Variants in CELF2 observed in about 807,000 individuals in gnomAD.
CELF2 encodes the protein CUGBP Elav-like family member 2.
In CELF2, 8 loss-of-function variants were observed where a neutral mutation model predicts 62.6. The ratio of observed to expected loss-of-function variants is 0.13; its 90% CI spans 0.07 to 0.23. The LOEUF (loss-of-function observed/expected upper bound fraction) is 0.23, where lower values mean the gene tolerates loss of function less well. CELF2 is among the 10% of genes least tolerant of loss of function. CELF2 has a pLI of 1.00. For missense variants in CELF2, 333 were observed against 671.0 expected (o/e 0.50, Z 5.56); for synonymous variants, 258 against 250.0 (o/e 1.03, Z -0.30).
rs1466675807 is a variant in CELF2 at position 11,319,432 on chromosome 10, G to A, written c.1097-1757G>A. Among the ~76,000 whole-genome samples the A allele has an allele frequency of 6.6e-6, 1 of 152,202 alleles. No individual in the cohort carries two copies. Among genetic ancestry groups the A allele is most frequent in the Non-Finnish European group, 1.5e-5 (1 of 68,042 alleles). On this transcript the variant is annotated intron_variant, in intron 10 of 12. Transcript: ENST00000633077. This position sits in a 1 kb window ranked among gnomAD's most constrained non-coding sequence, Gnocchi z 4.4. ...GACAGAGGGGAAGCACAGCGGCAGG[G>A]AGGTGGCCGCGATTTGCTGGTGTCC... is the stretch of plus-strand genomic sequence containing the variant.
At chr10:10,674,183 C>G in the CELF2 span, among the ~76,000 whole-genome samples, 1 of 152,114 alleles carries the variant, frequency 6.6e-6, no homozygotes, top group Non-Finnish European at 1.5e-5. Flanking sequence ...ATTGGTTTTG[C>G]CTGGTATATT....
intron 1 of CELF2, among the ~76,000 whole-genome samples, chr10:10,806,490 C>T (rs1249004905): frequency 6.6e-6 from 1 of 152,160 alleles, no homozygotes; most frequent in Non-Finnish European, 1.5e-5. Flanking sequence ...AGGCATGAGC[C>T]ACTGCACCCA....
At chr10:11,301,109 C>A (rs2093673147) in intron 9 of CELF2, among the ~76,000 whole-genome samples, 1 of 152,146 alleles carries the variant, frequency 6.6e-6, no homozygotes, top group South Asian at 2.1e-4. Context: ...GAGACCAAGA[C>A]AAGGGCGAAG....
the CELF2 span, among the ~76,000 whole-genome samples, chr10:10,591,886 C>T: frequency 6.6e-6 from 1 of 152,184 alleles, no homozygotes; most frequent in South Asian, 2.1e-4. Context: ...GTGTTTGCTA[C>T]CTGGGAGTCT....
At chr10:10,534,393 A>C in the CELF2 span, among the ~76,000 whole-genome samples, 1 of 152,172 alleles carries the variant, frequency 6.6e-6, no homozygotes, top group Admixed American at 6.5e-5. Flanking sequence ...ATGTTTGCTG[A>C]TAGGGACAAA....
chr10:11,097,788 A>G (rs964293832), intron 1 of CELF2, among the ~76,000 whole-genome samples: 3 of 152,200 alleles, frequency 2.0e-5, no homozygotes, highest in Non-Finnish European at 2.9e-5. Context: ...GACATCCCCA[A>G]ATGGTGGATG....
chr10:11,209,383 C>T (rs1286018187), intron 2 of CELF2, among the ~76,000 whole-genome samples: 4 of 151,784 alleles, frequency 2.6e-5, no homozygotes, highest in Non-Finnish European at 4.4e-5. Flanking sequence ...CATTTCCTAG[C>T]AGTGCCAGTT....
At chr10:10,705,013 A>T in the CELF2 span, among the ~76,000 whole-genome samples, 1 of 151,744 alleles carries the variant, frequency 6.6e-6, no homozygotes. Context: ...ACATGGCGAG[A>T]CCTGGTCTGT....
Position 11,285,219 on chromosome 10 carries a change from C to G in CELF2, c.842-3199C>G, listed in dbSNP as rs550060062. The stretch of plus-strand genomic sequence containing the variant: ...TGATTGGTTCTGACTAACTCTTCTT[C>G]TCTCCTTTTGTCCTCACATCCCTCA... On this transcript the variant is annotated intron_variant, in intron 8 of 12. Coordinates refer to ENST00000633077, the MANE Select transcript of CELF2 (RefSeq NM_001326342.2). This position sits in a 1 kb window ranked among gnomAD's most constrained non-coding sequence, Gnocchi z 4.3. 6.6e-6 allele frequency among the ~76,000 whole-genome samples: 1 copy of G among 152,160 alleles called. No homozygotes were observed. Among genetic ancestry groups the G allele is most frequent in the East Asian group, 1.9e-4 (1 of 5,194 alleles).
At chr10:10,623,152 C>CA in the CELF2 span, among the ~76,000 whole-genome samples, 1 of 136,696 alleles carries the variant, frequency 7.3e-6, no homozygotes, top group Admixed American at 7.7e-5. Flanking sequence ...TCACACAGGA[C>CA]AGGCAGCCTG....
chr10:10,546,358 G>T, the CELF2 span, among the ~76,000 whole-genome samples: 21,381 of 151,678 alleles, frequency 0.14, 1,988 homozygotes, highest in Non-Finnish European at 0.21. Flanking sequence ...CAGAGTTCAG[G>T]TTGATCTCCT....
At chr10:10,975,409 C>T (rs544011888) in intron 2 of CELF2, among the ~76,000 whole-genome samples, 4 of 152,284 alleles carry the variant, frequency 2.6e-5, no homozygotes, top group South Asian at 4.1e-4. Context: ...GTTGAGATTA[C>T]AGGGGTGAGC....
intron 1 of CELF2, among the ~76,000 whole-genome samples, chr10:10,810,572 A>T (rs796066118): frequency 3.9e-5 from 6 of 152,226 alleles, no homozygotes; most frequent in Admixed American, 1.3e-4. Flanking sequence ...GGTCCAGCAG[A>T]GGGAAGAGAG....
chr10:10,923,709 T>A, intron 2 of CELF2, among the ~76,000 whole-genome samples: 1 of 152,362 alleles, frequency 6.6e-6, no homozygotes, highest in South Asian at 2.1e-4. Flanking sequence ...AATTATATTA[T>A]AAATATTAAA....
At position 11,334,452 on chromosome 10, in the gene CELF2, T is replaced by A. The variant is rs1276299060; in HGVS notation, c.*5399T>A. ...ACTGTTTCACGTATCTGTTTTTTTC[T>A]CTATGTTGTGTAAAAAGATACAGTC... On this transcript the variant is annotated 3_prime_UTR_variant, in exon 13 of 13. Coordinates refer to ENST00000633077, the MANE Select transcript of CELF2 (RefSeq NM_001326342.2). The A allele has an allele frequency of 6.5e-6, 1 of 152,672 alleles. No individual in the cohort carries two copies. Among genetic ancestry groups the A allele is most frequent in the Non-Finnish European group, 1.5e-5 (1 of 68,052 alleles). 9.5% of individuals were successfully genotyped at this position (152,672 alleles called of 1,614,324 possible).
At chr10:11,212,483 G>A (rs1414523083) in intron 2 of CELF2, among the ~76,000 whole-genome samples, 2 of 152,256 alleles carry the variant, frequency 1.3e-5, no homozygotes, top group Non-Finnish European at 2.9e-5. Context: ...TGGCCAGTAA[G>A]ATCTGGTGTA....
the CELF2 span, among the ~76,000 whole-genome samples, chr10:10,725,384 A>G: frequency 1.3e-5 from 2 of 152,226 alleles, no homozygotes; most frequent in African/African-American, 4.8e-5. Flanking sequence ...TGTAGTAGCT[A>G]TTAAATAGTC....
intron 2 of CELF2, among the ~76,000 whole-genome samples, chr10:11,203,554 C>A (rs547264644): frequency 1.3e-4 from 20 of 152,196 alleles, no homozygotes; most frequent in Non-Finnish European, 2.2e-4. Flanking sequence ...TCAGGCCAGG[C>A]TTTATCGGGA....
the CELF2 span, among the ~76,000 whole-genome samples, chr10:10,545,643 C>G: frequency 3.4e-4 from 52 of 152,122 alleles, no homozygotes; most frequent in Non-Finnish European, 6.3e-4. Context: ...CTATTATCCT[C>G]AGGATGAATA....
Sources: gnomAD v4.1 joint callset for allele counts (sites outside exome capture counted in the v4.1 genomes callset) on GRCh38, gnomAD v4.1.1 for gene constraint, Gnocchi (gnomAD v3.1) non-coding constraint, MANE v1.5 for transcripts, NCBI Gene and HGNC (gene_info 2026-07-23, HGNC 2026-07-21) for gene names.